ST3GAL1: variants seen among roughly 807,000 people sequenced by gnomAD.
ST3GAL1 encodes ST3 beta-galactoside alpha-2,3-sialyltransferase 1.
ST3GAL1 carries 16 observed loss-of-function variants against 34.1 expected under a neutral mutation model. The ratio of observed to expected loss-of-function variants is 0.47; its 90% confidence interval spans 0.32 to 0.71. The LOEUF is 0.71. Ranked by LOEUF, ST3GAL1 falls within the 30% of genes least tolerant of loss-of-function variation. The probability of loss-of-function intolerance (pLI) is 0.04; values close to 1 mark genes in which losing one functional copy is unlikely to be tolerated. For missense variants in ST3GAL1, 353 were observed against 447.4 expected (o/e 0.79, Z 1.90); for synonymous variants, 191 against 184.7 (o/e 1.03, Z -0.28).
chr8:133,558,929 T>C (rs1819136847), intron 1 of ST3GAL1, among the ~76,000 whole-genome samples: 1 of 152,138 alleles, frequency 6.6e-6, no homozygotes, highest in Middle Eastern at 3.2e-3. Flanking sequence ...TTTCCTCATG[T>C]CCTCGTGGGT....
intron 2 of ST3GAL1, among the ~76,000 whole-genome samples, chr8:133,512,109 G>C (rs369821119): frequency 6.6e-6 from 1 of 152,100 alleles, no homozygotes; most frequent in East Asian, 1.9e-4. Context: ...ACAAGGTAAA[G>C]TCCCATGATA....
intron 2 of ST3GAL1, among the ~76,000 whole-genome samples, chr8:133,540,924 T>TATAGACATATATATAGACAC (rs1253984360): frequency 6.6e-5 from 5 of 75,882 alleles, no homozygotes; most frequent in South Asian, 5.3e-4. Context: ...TATAGACATA[T>TATAGACATATATATAGACAC]ATATATAGAC....
chr8:133,502,029 G>A (rs1817171904), intron 2 of ST3GAL1, among the ~76,000 whole-genome samples: 1 of 152,124 alleles, frequency 6.6e-6, no homozygotes, highest in Non-Finnish European at 1.5e-5. Flanking sequence ...GATTCACCGG[G>A]GGACTCAAGC....
intron 1 of ST3GAL1, among the ~76,000 whole-genome samples, chr8:133,568,075 C>T (rs1410810253): frequency 1.3e-5 from 2 of 152,150 alleles, no homozygotes; most frequent in African/African-American, 4.8e-5. Context: ...GAGCCCACCA[C>T]TATGCCCGGC....
At chr8:133,534,968 C>T (rs1482863889) in intron 2 of ST3GAL1, among the ~76,000 whole-genome samples, 1 of 152,238 alleles carries the variant, frequency 6.6e-6, no homozygotes, top group Non-Finnish European at 1.5e-5. Context: ...AGGAAAGGTA[C>T]ATGAGCCCTT....
chr8:133,499,409 TG>T (rs1817077658), intron 2 of ST3GAL1: 1 of 152,212 alleles, frequency 6.6e-6, no homozygotes, highest in Non-Finnish European at 1.5e-5. Context: ...AGAAGCTTCC[TG>T]TCCCAAACTG....
At chr8:133,560,363 A>C (rs1480419931) in intron 1 of ST3GAL1, among the ~76,000 whole-genome samples, 2 of 152,236 alleles carry the variant, frequency 1.3e-5, no homozygotes, top group Non-Finnish European at 2.9e-5. Context: ...CTGTGTAATA[A>C]ATTATGATGA....
chr8:133,483,863 GA>G (rs1473593423), intron 3 of ST3GAL1, among the ~76,000 whole-genome samples: 1 of 152,120 alleles, frequency 6.6e-6, no homozygotes, highest in African/African-American at 2.4e-5. Context: ...CACCAGCTTT[GA>G]TCTTCCCCAG....
At position 133,498,807 on chromosome 8, in the gene ST3GAL1, C is replaced by T. The variant is rs534095859; in HGVS notation, c.-374+328G>A. Among the ~76,000 whole-genome samples the T allele has an allele frequency of 2.6e-5, 4 of 152,264 alleles. No homozygotes were observed. The East Asian group carries it at 7.7e-4, about 29-fold the overall frequency. On this transcript the variant is annotated intron_variant, in intron 3 of 9. Transcript: ENST00000522652. ...GGTCTGGTTCCTAGAGCTCCTGAGG[C>T]CTCGGAGCAACCCTCCTGGGAGAAC...
intron 2 of ST3GAL1, among the ~76,000 whole-genome samples, chr8:133,523,707 G>T (rs28501166): frequency 0.072 from 11,021 of 152,260 alleles, 749 homozygotes; most frequent in African/African-American, 0.17. Context: ...ATTGACAAAT[G>T]TCTGTTGAGC....
In ST3GAL1 at chr8:133,456,185, A is replaced by T. The variant is rs1356147792; in HGVS notation, c.*3579T>A. On this transcript the variant is annotated 3_prime_UTR_variant, in exon 10 of 10. Coordinates refer to ENST00000522652, the MANE Select transcript of ST3GAL1 (RefSeq NM_173344.3). ...CAGCCCAGGATCCCTGCAGAGAACCAGAGGTTACAAATCTGCCCTCCTTTC... is the reference window on the plus strand; with the variant it reads ...CAGCCCAGGATCCCTGCAGAGAACCTGAGGTTACAAATCTGCCCTCCTTTC... 6.6e-6 allele frequency: 1 copy of T among 152,356 alleles called. No homozygotes were observed. Among genetic ancestry groups the T allele is most frequent in the Non-Finnish European group, 1.5e-5 (1 of 68,024 alleles). The allele number at this position is 152,356 out of a possible 1,614,324, so 9.4% of individuals were successfully genotyped here.
intron 3 of ST3GAL1, among the ~76,000 whole-genome samples, chr8:133,483,247 C>T (rs531227212): frequency 6.6e-6 from 1 of 152,292 alleles, no homozygotes; most frequent in Admixed American, 6.5e-5. Context: ...GAGGCTGAGG[C>T]AGGAGAATCG....
rs1815314047 is a variant in ST3GAL1, at chr8:133,456,724, C to T, written c.*3040G>A. On this transcript the variant is annotated 3_prime_UTR_variant, in exon 10 of 10. Coordinates refer to ENST00000522652, the MANE Select transcript of ST3GAL1 (RefSeq NM_173344.3). ...GCTGTGGGAAAGAGAAATGCAGTCT[C>T]CTGCACGGGAGGGTGTGAGAAGGCC... 1 of 152,282 alleles carries T rather than the reference C, an allele frequency of 6.6e-6. No individual in the cohort carries two copies. The allele number at this position is 152,282 out of a possible 1,614,324, so 9.4% of individuals were successfully genotyped here. A position where few individuals can be genotyped will look rare whatever the true frequency, so the allele number is the denominator to read the frequency against.
At position 133,476,439 on chromosome 8, in the gene ST3GAL1, G is replaced by A. The variant is rs1421464298; in HGVS notation, c.-212C>T. ...GTCCCTCAGGAGCGAGGACCTCGAA[G>A]GAAGGGTGTTGGTATAGCGGGGAGG... On this transcript the variant is annotated 5_prime_UTR_variant, in exon 4 of 10. Coordinates refer to ENST00000522652, the MANE Select transcript of ST3GAL1 (RefSeq NM_173344.3). 1 of 159,328 alleles carries A rather than the reference G, an allele frequency of 6.3e-6. No individual in the cohort carries two copies. The highest frequency in any genetic ancestry group is 1.4e-5 in the Non-Finnish European group (1 of 72,270). The allele number at this position is 159,328 out of a possible 1,614,324, so 9.9% of individuals were successfully genotyped here. A position where few individuals can be genotyped will look rare whatever the true frequency, so the allele number is the denominator to read the frequency against.
chr8:133,515,487 T>A (rs1257845933), intron 2 of ST3GAL1: 1 of 152,174 alleles, frequency 6.6e-6, no homozygotes, highest in Non-Finnish European at 1.5e-5. Flanking sequence ...TCTCAAGGGT[T>A]CTCATTGTTT....
In ST3GAL1 at chr8:133,472,107, G is replaced by A. The variant is rs1422979309; in HGVS notation, c.306+3612C>T. ...TCACAGGGGTCAGTAGGTCCAGCCTGGGATGGTGGTGCAGTCTCTTCACTT... is the reference window on the plus strand; with the variant it reads ...TCACAGGGGTCAGTAGGTCCAGCCTAGGATGGTGGTGCAGTCTCTTCACTT... On this transcript the variant is annotated intron_variant, in intron 5 of 9. Transcript: ENST00000522652. Among the ~76,000 whole-genome samples, 6 of 152,192 alleles carry A rather than the reference G, an allele frequency of 3.9e-5. No individual in the cohort carries two copies. In the East Asian group the frequency reaches 9.7e-4, roughly 25 times the overall value.
intron 3 of ST3GAL1, among the ~76,000 whole-genome samples, chr8:133,498,882 C>T (rs1011399137): frequency 3.3e-5 from 5 of 152,194 alleles, no homozygotes; most frequent in African/African-American, 9.6e-5. Context: ...AACCCAGGTG[C>T]GCCTAAGCTC....
At chr8:133,538,543 C>T (rs1223503014) in intron 2 of ST3GAL1, among the ~76,000 whole-genome samples, 1 of 152,112 alleles carries the variant, frequency 6.6e-6, no homozygotes, top group East Asian at 1.9e-4. Context: ...TAAATAAAAC[C>T]TATTGAATGC....
At chr8:133,549,761 G>A (rs1207991915) in intron 1 of ST3GAL1, among the ~76,000 whole-genome samples, 2 of 152,042 alleles carry the variant, frequency 1.3e-5, no homozygotes, top group African/African-American at 2.4e-5. Context: ...TCGGAGGTTC[G>A]AGACCAACCT....
Sources: allele counts gnomAD v4.1 joint callset (sites outside exome capture counted in the v4.1 genomes callset), GRCh38; gene constraint gnomAD v4.1.1; transcripts MANE v1.5; gene names NCBI Gene and HGNC (gene_info 2026-07-23, HGNC 2026-07-21).